Variants in MARCHF1 observed in about 807,000 individuals in gnomAD.
MARCHF1 encodes the protein membrane associated ring-CH-type finger 1, also known as E3 ubiquitin-protein ligase MARCHF1.
Under a neutral mutation model 54.2 loss-of-function variants are expected in MARCHF1, and 40 were observed. That is an observed-to-expected ratio of 0.74 (90% CI 0.57 to 0.96). The LOEUF (loss-of-function observed/expected upper bound fraction) is 0.96. MARCHF1 is among the 40% of genes least tolerant of loss of function. The pLI, the probability that MARCHF1 is intolerant of heterozygous loss-of-function variation, is 0.00. For missense variants in MARCHF1, 586 were observed against 656.5 expected (o/e 0.89, Z 1.17); for synonymous variants, 236 against 236.3 (o/e 1.00, Z 0.01).
chr4:164,116,288 T>C (rs1755937916), intron 1 of MARCHF1, among the ~76,000 whole-genome samples: 1 of 152,196 alleles, frequency 6.6e-6, no homozygotes, highest in Non-Finnish European at 1.5e-5. Flanking sequence ...TTAAATTTAT[T>C]TCCTAACTAT....
At chr4:163,582,159 G>A (rs973409226) in intron 8 of MARCHF1, among the ~76,000 whole-genome samples, 2 of 152,268 alleles carry the variant, frequency 1.3e-5, no homozygotes, top group African/African-American at 2.4e-5. Context: ...AGTTGATCTT[G>A]AGTGCACTTC....
At chr4:164,192,481 G>A (rs1731148093) in intron 1 of MARCHF1, among the ~76,000 whole-genome samples, 1 of 152,132 alleles carries the variant, frequency 6.6e-6, no homozygotes, top group Admixed American at 6.5e-5. Flanking sequence ...TAAAAAGTTA[G>A]TGATCTCTGA....
At chr4:163,594,758 A>AC (rs879261455) in intron 7 of MARCHF1, among the ~76,000 whole-genome samples, 788 of 45,624 alleles carry the variant, frequency 0.017, 7 homozygotes, top group African/African-American at 0.06. Flanking sequence ...ATCAAAACAC[A>AC]AACACACACA....
intron 4 of MARCHF1, among the ~76,000 whole-genome samples, chr4:163,723,444 G>A (rs1425531988): frequency 6.6e-6 from 1 of 152,130 alleles, no homozygotes; most frequent in Non-Finnish European, 1.5e-5. Flanking sequence ...TTTCTCTCTG[G>A]CTGCCCTTAA....
chr4:164,348,444 T>C (rs537395604), intron 1 of MARCHF1, among the ~76,000 whole-genome samples: 1 of 152,190 alleles, frequency 6.6e-6, no homozygotes. Flanking sequence ...ACTCTCATGG[T>C]TTGTTCCCTT....
intron 3 of MARCHF1, chr4:163,933,262 C>G (rs1331357362): frequency 4.4e-6 from 3 of 687,570 alleles, no homozygotes; most frequent in Non-Finnish European, 5.3e-6. Context: ...TAAATCCAGA[C>G]AGGGTGTCAT....
At chr4:163,999,960 T>C (rs1464001581) in intron 2 of MARCHF1, among the ~76,000 whole-genome samples, 1 of 151,726 alleles carries the variant, frequency 6.6e-6, no homozygotes, top group Non-Finnish European at 1.5e-5. Flanking sequence ...TAAAGAGTTC[T>C]GATGTACAGA....
chr4:163,760,450 A>G (rs1196401110), intron 4 of MARCHF1, among the ~76,000 whole-genome samples: 4 of 152,322 alleles, frequency 2.6e-5, no homozygotes, highest in Admixed American at 2.0e-4. Context: ...TCTTCCATAC[A>G]TAACTAGTTT....
intron 1 of MARCHF1, among the ~76,000 whole-genome samples, chr4:164,290,022 A>AACACACAC: frequency 6.6e-6 from 1 of 151,614 alleles, no homozygotes; most frequent in Non-Finnish European, 1.5e-5. Context: ...TAAATCCTCC[A>AACACACAC]ACACACACAC....
At chr4:164,326,957 T>TTGTGTGTGTGTGTG (rs370504086) in intron 1 of MARCHF1, among the ~76,000 whole-genome samples, 1,389 of 133,676 alleles carry the variant, frequency 0.01, 43 homozygotes, top group Middle Eastern at 0.031. Flanking sequence ...GTTGTAAGGA[T>TTGTGTGTGTGTGTG]TGTGTGTGTG....
At chr4:164,064,245 T>C (rs1579503970) in intron 2 of MARCHF1, among the ~76,000 whole-genome samples, 1 of 152,290 alleles carries the variant, frequency 6.6e-6, no homozygotes, top group South Asian at 2.1e-4. Flanking sequence ...CTATAAATTG[T>C]TTTGGGTGGT....
chr4:164,310,756 C>T (rs1055502965), intron 1 of MARCHF1, among the ~76,000 whole-genome samples: 1 of 151,854 alleles, frequency 6.6e-6, no homozygotes, highest in East Asian at 1.9e-4. Context: ...TAAAAAACAA[C>T]AGAAATATAG....
intron 1 of MARCHF1, among the ~76,000 whole-genome samples, chr4:164,342,569 A>G (rs1445861631): frequency 1.3e-5 from 2 of 151,702 alleles, no homozygotes; most frequent in African/African-American, 2.4e-5. Context: ...AAAATAAAAT[A>G]AAATAAATAA....
At chr4:163,742,652 A>G (rs184794627) in intron 4 of MARCHF1, among the ~76,000 whole-genome samples, 5,688 of 151,264 alleles carry the variant, frequency 0.038, 158 homozygotes, top group East Asian at 0.076. Context: ...AAATTTTTTT[A>G]TTTTTTGTAG....
chr4:164,253,643 A>G lies in MARCHF1; in HGVS notation c.-323+130227T>C, dbSNP rs114793785. 4.7e-3 allele frequency among the ~76,000 whole-genome samples: 717 copies of G among 152,242 alleles called. 3 individuals carry two copies. The highest frequency in any genetic ancestry group is 0.016 in the African/African-American group (665 of 41,556). On this transcript the variant is annotated intron_variant, in intron 1 of 9. Coordinates refer to ENST00000514618, the MANE Select transcript of MARCHF1 (RefSeq NM_001394959.1). ...ATATTTTCCTATATTTGTTTATTTA[A>G]TTTTGTGTTAAAATGTTAAGCATAT... is the stretch of plus-strand genomic sequence containing the variant.
intron 1 of MARCHF1, among the ~76,000 whole-genome samples, chr4:164,316,390 T>A (rs1335491066): frequency 2.0e-5 from 3 of 152,206 alleles, no homozygotes; most frequent in African/African-American, 7.2e-5. Flanking sequence ...AGATCTCAGT[T>A]GACTCATTTT....
chr4:163,908,252 A>G (rs552226606), intron 3 of MARCHF1, among the ~76,000 whole-genome samples: 1 of 152,326 alleles, frequency 6.6e-6, no homozygotes, highest in African/African-American at 2.4e-5. Context: ...ACCTTGCTGT[A>G]GATACAAGGT....
At chr4:163,892,199 T>C (rs1750676188) in intron 3 of MARCHF1, among the ~76,000 whole-genome samples, 1 of 152,238 alleles carries the variant, frequency 6.6e-6, no homozygotes, top group Admixed American at 6.5e-5. Context: ...ACTGTTCCTC[T>C]ACTAGTCTAC....
chr4:163,947,402 T>C lies in MARCHF1; in HGVS notation c.-39+41099A>G, dbSNP rs573746356. Among the ~76,000 whole-genome samples the C allele has an allele frequency of 2.0e-5, 3 of 152,244 alleles. No individual in the cohort carries two copies. The South Asian group carries it at 6.2e-4, about 32-fold the overall frequency. ...TATTCTTTTATGTGGCCAAAAGAAT[T>C]CTGAAAATGTAATGAAGTTAAAGAT... On this transcript the variant is annotated intron_variant, in intron 3 of 9. Coordinates refer to ENST00000514618, the MANE Select transcript of MARCHF1 (RefSeq NM_001394959.1).
Sources: allele counts gnomAD v4.1 joint callset (sites outside exome capture counted in the v4.1 genomes callset), GRCh38; gene constraint gnomAD v4.1.1; transcripts MANE v1.5; gene names NCBI Gene and HGNC (gene_info 2026-07-23, HGNC 2026-07-21).